Variants in NDRG2 observed in about 807,000 individuals in gnomAD.
The protein encoded by NDRG2 is NDRG family member 2, also known as protein NDRG2.
A neutral mutation model predicts 58.2 loss-of-function variants in NDRG2; 34 were observed. The observed-to-expected ratio is 0.58, with a 90% confidence interval of 0.44 to 0.78. The LOEUF is 0.78. Ranked by LOEUF, NDRG2 falls within the 30% of genes least tolerant of loss-of-function variation. The probability of loss-of-function intolerance (pLI) is 0.00; values close to 1 mark genes in which losing one functional copy is unlikely to be tolerated. For missense variants in NDRG2, 434 were observed against 471.2 expected (o/e 0.92, Z 0.73); for synonymous variants, 187 against 175.9 (o/e 1.06, Z -0.50).
intron 1 of NDRG2, among the ~76,000 whole-genome samples, chr14:21,050,184 G>T (rs188593523): frequency 6.6e-6 from 1 of 152,148 alleles, no homozygotes; most frequent in African/African-American, 2.4e-5. Flanking sequence ...TTAAGTGCCC[G>T]TAATCCTGAC....
chr14:21,019,434 G>A (rs1003495856), intron 10 of NDRG2, among the ~76,000 whole-genome samples: 1 of 152,186 alleles, frequency 6.6e-6, no homozygotes. Context: ...ATAATCCAAA[G>A]GAGGTAAACA....
At chr14:21,022,758 A>G in intron 3 of NDRG2, 106 bp downstream of exon 3, 2 of 1,126,550 alleles carry the variant, frequency 1.8e-6, no homozygotes, top group Non-Finnish European at 2.6e-6. Context: ...ACTAGAATAG[A>G]AGGAAAGAAA....
rs556196998 is a variant in NDRG2, at chr14:21,039,507, T to G, written c.25-16186A>C. 3.3e-5 allele frequency among the ~76,000 whole-genome samples: 5 copies of G among 152,334 alleles called. No individual in the cohort carries two copies. The South Asian group carries it at 1.0e-3, about 32-fold the overall frequency. ...TCCCTGGCCTGATGCCTGAATCTTT[T>G]TGTTCTTCCTAAACTTGTCCCCCTT... On this transcript the variant is annotated intron_variant, in intron 1 of 14. Coordinates refer to the NDRG2 transcript ENST00000403829.
Position 21,019,652 on chromosome 14 carries a change from T to A in NDRG2, c.703A>T (p.Asn235Tyr). The A allele has an allele frequency of 1.2e-6, 2 of 1,611,326 alleles. No individual in the cohort carries two copies. The highest frequency in any genetic ancestry group is 1.7e-6 in the Non-Finnish European group (2 of 1,177,590). Reference protein sequence around the residue: ...PNLDNIELYWNSYNNRRDLNF... With the variant: ...PNLDNIELYWYSYNNRRDLNF... ...CAGCCCACCCACTTGTTGTAGCTGT[T>A]CCAGTACAATTCAATGTTATCCAGG... The change falls in exon 10 of 16, where the codon AAC (asparagine) becomes TAC (tyrosine). Residue 235 changes from asparagine (N) to tyrosine (Y), a missense_variant. Asn to Tyr is a moderately radical substitution (Grantham distance 143, BLOSUM62 -2). Coordinates refer to ENST00000556147, the MANE Select transcript of NDRG2 (RefSeq NM_001320329.2).
intron 1 of NDRG2, chr14:21,042,590 G>C (rs1238048388): frequency 4.7e-6 from 1 of 214,412 alleles, no homozygotes; most frequent in Non-Finnish European, 9.3e-6. Flanking sequence ...GGAAAGGGGA[G>C]AGTGATGTTG....
chr14:21,061,559 A>T (rs1004711686), intron 1 of NDRG2, among the ~76,000 whole-genome samples: 1 of 152,048 alleles, frequency 6.6e-6, no homozygotes, highest in Non-Finnish European at 1.5e-5. Flanking sequence ...TTGGGACCGA[A>T]TCTCTACTGG....
intron 1 of NDRG2, chr14:21,032,251 C>T: frequency 1.4e-6 from 1 of 719,016 alleles, no homozygotes; most frequent in Admixed American, 2.0e-5. Flanking sequence ...GGTGGGTTCT[C>T]CACCACACAC....
chr14:21,026,056 G>A (rs2139053066), upstream of NDRG2, among the ~76,000 whole-genome samples: 1 of 152,042 alleles, frequency 6.6e-6, no homozygotes, highest in Admixed American at 6.5e-5. Flanking sequence ...CAGGCCCGCT[G>A]AATCGCAATG....
chr14:21,054,980 T>C (rs1343622256), intron 1 of NDRG2, among the ~76,000 whole-genome samples: 1 of 152,200 alleles, frequency 6.6e-6, no homozygotes, highest in Non-Finnish European at 1.5e-5. Flanking sequence ...CCATAAGCAA[T>C]GCGGTGTATG....
chr14:21,039,790 C>T (rs980569120), intron 1 of NDRG2, among the ~76,000 whole-genome samples: 1 of 152,186 alleles, frequency 6.6e-6, no homozygotes, highest in South Asian at 2.1e-4. Context: ...GCAGCAGGGC[C>T]ATGTTTATTT....
intron 1 of NDRG2, among the ~76,000 whole-genome samples, chr14:21,066,624 G>A (rs927984753): frequency 2.0e-5 from 3 of 152,164 alleles, no homozygotes; most frequent in Admixed American, 6.5e-5. Flanking sequence ...ATGAGCCACC[G>A]TGCCCAGCCT....
At chr14:21,057,186 G>A (rs998290468) in intron 1 of NDRG2, among the ~76,000 whole-genome samples, 16 of 152,280 alleles carry the variant, frequency 1.1e-4, no homozygotes, top group African/African-American at 3.1e-4. Context: ...TGTAATCCCA[G>A]CACTTTGGGA....
chr14:21,027,862 A>C (rs1952524), upstream of NDRG2, among the ~76,000 whole-genome samples: 1 of 151,972 alleles, frequency 6.6e-6, no homozygotes, highest in Non-Finnish European at 1.5e-5. Context: ...CAACCATGGA[A>C]TACTTGAGTG....
chr14:21,058,369 C>T (rs745585528), intron 1 of NDRG2: 1 of 1,558,460 alleles, frequency 6.4e-7, no homozygotes, highest in South Asian at 1.2e-5. Context: ...CCCTGGTGCC[C>T]ACGTTCCACC....
intron 1 of NDRG2, among the ~76,000 whole-genome samples, chr14:21,055,718 C>T (rs553214532): frequency 6.6e-6 from 1 of 152,310 alleles, no homozygotes; most frequent in South Asian, 2.1e-4. Context: ...GCTCCTGCTA[C>T]CATCCCCACC....
chr14:21,020,080 G>A (rs369912511), intron 8 of NDRG2, 104 bp from the exon 9 acceptor site: 1 of 1,006,726 alleles, frequency 9.9e-7, no homozygotes, highest in Non-Finnish European at 1.5e-6. Context: ...TGGATCACGA[G>A]GTCAGGAGTT....
chr14:21,022,555 G>A (rs576162534), intron 3 of NDRG2, 58 bp from the exon 4 acceptor site: 2 of 1,304,784 alleles, frequency 1.5e-6, no homozygotes, highest in South Asian at 2.4e-5. Flanking sequence ...CAGAAAAGGA[G>A]CAACACCAAG....
intron 1 of NDRG2, chr14:21,023,651 G>A (rs1024177895): frequency 2.1e-5 from 6 of 285,248 alleles, no homozygotes; most frequent in African/African-American, 1.3e-4. Context: ...AGATTTCTCG[G>A]GCTATATTTA....
intron 1 of NDRG2, among the ~76,000 whole-genome samples, chr14:21,039,373 G>A (rs954923029): frequency 5.3e-5 from 8 of 152,208 alleles, no homozygotes; most frequent in African/African-American, 1.9e-4. Flanking sequence ...GAGATTGCTG[G>A]TGTAAGGGAC....
Sources: allele counts gnomAD v4.1 joint callset (sites outside exome capture counted in the v4.1 genomes callset), GRCh38; gene constraint gnomAD v4.1.1; transcripts MANE v1.5; gene names NCBI Gene and HGNC (gene_info 2026-07-23, HGNC 2026-07-21).